The following FLNC variants were observed in gnomAD, a reference collection of about 807,000 sequenced individuals.
FLNC encodes filamin C, also known as filamin-C.
In FLNC, 91 loss-of-function variants were observed where a neutral mutation model predicts 254.3. The ratio of observed to expected loss-of-function variants is 0.36; its 90% CI spans 0.30 to 0.43. FLNC has a LOEUF of 0.43. FLNC is among the 20% of genes least tolerant of loss of function. The pLI is 1.00. For synonymous variants in FLNC, 1,430 were observed against 1,577.2 expected, an observed-to-expected ratio of 0.91 and a Z score of 2.21; for missense variants, 2,853 against 3,802.6, an observed-to-expected ratio of 0.75 and a Z score of 6.57.
In FLNC at chr7:128,852,588, C is replaced by T. The variant is rs1808866212; in HGVS notation, c.5843-3C>T. 1 of 1,613,128 alleles carries T rather than the reference C, an allele frequency of 6.2e-7. No individual in the cohort carries two copies. Among genetic ancestry groups the T allele is most frequent in the Non-Finnish European group, 8.5e-7 (1 of 1,180,002 alleles). On this transcript the variant is annotated splice_region_variant and splice_polypyrimidine_tract_variant and intron_variant, in intron 35 of 47. Transcript: ENST00000325888. ...CAGCCTGATGCCCCAACTCCCCCAC[C>T]AGGTGATGACTCCATGAGGACCTCA... is the stretch of plus-strand genomic sequence containing the variant.
In FLNC at chr7:128,854,082, G is replaced by A. The variant is rs909093665; in HGVS notation, c.6593G>A (p.Gly2198Asp). The A allele has an allele frequency of 3.9e-5, 63 of 1,613,198 alleles. 1 individual carries two copies. Among genetic ancestry groups the A allele is most frequent in the Non-Finnish European group, 5.0e-5 (59 of 1,179,976 alleles). The change falls in exon 40 of 48, where the codon GGC becomes GAC. Residue 2198 changes from glycine (G) to aspartate (D), a missense_variant. This residue lies in a region of FLNC where 551 missense variants were observed against 835.0 expected (regional missense o/e 0.66). Transcript: ENST00000325888. ...CGCACGGAGATCAGCAAGACGCGGG[G>A]CGGGGAGACAAAGCGCGAGGTGCGG... Reference protein sequence around the residue: ...TERTEISKTRGGETKREVRVE... With the variant: ...TERTEISKTRDGETKREVRVE...
At chr7:128,850,304 A>G in intron 31 of FLNC, 80 bp from the exon 32 acceptor site, 3 of 1,213,686 alleles carry the variant, frequency 2.5e-6, no homozygotes. Flanking sequence ...TTCTTTCCTC[A>G]CTCTCCAGCT....
chr7:128,850,256 C>A, intron 31 of FLNC, 128 bp from the exon 32 acceptor site: 1 of 965,362 alleles, frequency 1.0e-6, no homozygotes, highest in South Asian at 1.3e-5. Flanking sequence ...AGCTGACGCA[C>A]CTCTCCTGCC....
At position 128,843,532 on chromosome 7, in the gene FLNC, C is replaced by T; in HGVS notation, c.2766C>T (p.Asp922=). The T allele has an allele frequency of 6.2e-7, 1 of 1,613,944 alleles. No individual in the cohort carries two copies. Among genetic ancestry groups the T allele is most frequent in the Non-Finnish European group, 8.5e-7 (1 of 1,180,010 alleles). ...GEVVRDFEII[D]NHDYSYTVKY... ...TTGTGCGGGACTTTGAGATCATAGA[C>T]AACCATGACTACTCCTACACTGTCA... The change falls in exon 18 of 48, where the codon GAC becomes GAT. Residue 922 remains aspartate (D), a synonymous_variant. Transcript: ENST00000325888.
At position 128,847,659 on chromosome 7, in the gene FLNC, G is replaced by A. The variant is rs376811904; in HGVS notation, c.4289-38G>A. On this transcript the variant is annotated intron_variant, in intron 24 of 47. Transcript: ENST00000325888. ...TCCTCAGCATCAGGGGGACCCATCAGGGCTGGTGGGCAGGGTCTAATGTCC... is the reference window on the plus strand; with the variant it reads ...TCCTCAGCATCAGGGGGACCCATCAAGGCTGGTGGGCAGGGTCTAATGTCC... The A allele has an allele frequency of 3.7e-6, 6 of 1,613,338 alleles. No individual in the cohort carries two copies. The South Asian group carries it at 5.5e-5, about 15-fold the overall frequency.
rs762042639 is a variant in FLNC, at chr7:128,842,342, G to T, written c.2233G>T (p.Gly745Ter). Residue 745 changes from glycine (G) to a stop codon, truncating the protein, a stop_gained, in exon 14 of 48, where the codon GGA (glycine) becomes TGA (stop). Transcript: ENST00000325888. LOFTEE classifies it high-confidence loss of function. The surrounding 1 kb of genome is among the most constrained non-coding windows in gnomAD (Gnocchi z 5.4). ...TAAGCACACCATCATCATCTCCTGG[G>T]GAGGCGTAAACGTGCCCAAGAGCCC... ...PIKHTIIISWGGVNVPKSPFR... is the reference protein window; with the variant it reads ...PIKHTIIISW 1 of 1,613,690 alleles carries T rather than the reference G, an allele frequency of 6.2e-7. No individual in the cohort carries two copies. The highest frequency in any genetic ancestry group is 1.1e-5 in the South Asian group (1 of 91,082).
chr7:128,840,413 G>A (rs190302391), intron 9 of FLNC, 135 bp from the exon 10 acceptor site: 3 of 1,189,688 alleles, frequency 2.5e-6, no homozygotes, highest in Non-Finnish European at 3.7e-6. Flanking sequence ...TCCCTGCCCT[G>A]AGTTGCAGCA....
intron 37 of FLNC, 117 bp from the exon 38 acceptor site, chr7:128,853,352 G>C: frequency 7.6e-7 from 1 of 1,322,748 alleles, no homozygotes; most frequent in Non-Finnish European, 1.1e-6. Context: ...ATTTTTGTTA[G>C]TGGTCACTAC....
chr7:128,845,459 G>A (rs903969212), intron 21 of FLNC, among the ~76,000 whole-genome samples: 3 of 152,184 alleles, frequency 2.0e-5, no homozygotes, highest in African/African-American at 7.2e-5. Flanking sequence ...ATTGGCCTCT[G>A]CTCTTGTGGC....
chr7:128,833,615 CA>C (rs1449580298), intron 1 of FLNC, among the ~76,000 whole-genome samples: 137 of 132,424 alleles, frequency 1.0e-3, no homozygotes, highest in African/African-American at 3.6e-3. Flanking sequence ...CCCATATACA[CA>C]CCGCCCCCCC....
rs1206204944 is a variant in FLNC, at chr7:128,840,581, C to A, written c.1583C>A (p.Ala528Asp). The A allele has an allele frequency of 6.2e-7, 1 of 1,614,084 alleles. No homozygotes were observed. Among genetic ancestry groups the A allele is most frequent in the Non-Finnish European group, 8.5e-7 (1 of 1,180,040 alleles). Residue 528 changes from alanine (A) to aspartate (D), a missense_variant, in exon 10 of 48, where the codon GCT (alanine) becomes GAT (aspartate). Ala to Asp is a moderately radical substitution (Grantham distance 126, BLOSUM62 -2). Coordinates refer to ENST00000325888, the MANE Select transcript of FLNC (RefSeq NM_001458.5). ...GAGGAGCCAGTGAAGGTGCGGGAGG[C>A]TGGGGATGGTGTGTTCGAGTGCGAG... ...GTEEPVKVREAGDGVFECEYY... is the reference protein window; with the variant it reads ...GTEEPVKVREDGDGVFECEYY...
rs756192123 is a variant in FLNC, at chr7:128,844,893, C to T, written c.3428C>T (p.Ser1143Leu). 6 of 1,613,968 alleles carry T rather than the reference C, an allele frequency of 3.7e-6. No homozygotes were observed. The highest frequency in any genetic ancestry group is 1.7e-5 in the Admixed American group (1 of 60,036). Residue 1143 changes from serine (S) to leucine (L), a missense_variant, in exon 21 of 48, where the codon TCG becomes TTG. Transcript: ENST00000325888. ...TTTGCTGAGGCCCACATCCCTGGCT[C>T]GCCCTTCAAAGCCACCATTCGGCCT... Reference protein sequence around the residue: ...ILFAEAHIPGSPFKATIRPVF... With the variant: ...ILFAEAHIPGLPFKATIRPVF...
In FLNC at chr7:128,846,798, A is replaced by C; in HGVS notation, c.4181A>C (p.Lys1394Thr). ...GLAIEGPSEAKMSCKDNKDGS... is the reference protein window; with the variant it reads ...GLAIEGPSEATMSCKDNKDGS... Reference sequence around the variant, plus strand: ...GCCATCGAGGGTCCCTCGGAAGCCAAGATGTCCTGCAAGGACAACAAGGAT... The same window carrying C: ...GCCATCGAGGGTCCCTCGGAAGCCACGATGTCCTGCAAGGACAACAAGGAT... The change falls in exon 24 of 48, where the codon AAG becomes ACG. Residue 1394 changes from lysine (K) to threonine (T), a missense_variant. Lys to Thr is a moderately conservative substitution (Grantham distance 78, BLOSUM62 -1). Around this residue, in one of 10 missense-constraint regions of FLNC, gnomAD observed 1,573 missense variants for 1,883.5 expected, o/e 0.84. Transcript: ENST00000325888. 6.2e-7 allele frequency: 1 copy of C among 1,614,192 alleles called. No homozygotes were observed. The highest frequency in any genetic ancestry group is 8.5e-7 in the Non-Finnish European group (1 of 1,179,996).
Position 128,858,517 on chromosome 7 carries a change from C to T in FLNC, c.8172C>T (p.Val2724=). The T allele has an allele frequency of 6.2e-7, 1 of 1,612,794 alleles. No homozygotes were observed. The highest frequency in any genetic ancestry group is 8.5e-7 in the Non-Finnish European group (1 of 1,179,554). The change falls in exon 48 of 48, where the codon GTC becomes GTT. Residue 2724 remains valine, a synonymous_variant. Transcript: ENST00000325888. The surrounding 1 kb of genome is among the most constrained non-coding windows in gnomAD (Gnocchi z 6.7). ...SVPGSPFKVK[V]P ...CTGGAAGCCCCTTCAAAGTCAAGGT[C>T]CCTTGAATCCCAAAAGTGCCTCCCC...
rs1003153680 is a variant in FLNC, at chr7:128,846,678, C to T, written c.4128-67C>T. On this transcript the variant is annotated intron_variant, in intron 23 of 47. Coordinates refer to ENST00000325888, the MANE Select transcript of FLNC (RefSeq NM_001458.5). ...CTGCCCTCTTTCCTCCCTGTCCCCC[C>T]ATTCAGCTACTCCCTCATCCTCACT... 5.9e-6 allele frequency: 9 copies of T among 1,522,256 alleles called. No homozygotes were observed. The African/African-American group carries it at 1.1e-4, about 18-fold the overall frequency. The allele number at this position is 1,522,256 out of a possible 1,614,324, so 94.3% of individuals were successfully genotyped here.
chr7:128,840,183 G>A (rs755578117), intron 9 of FLNC, 23 bp downstream of exon 9: 57 of 1,612,804 alleles, frequency 3.5e-5, no homozygotes, highest in African/African-American at 1.3e-4. Context: ...GCCCAGGGTC[G>A]TGAGGGTGGG....
In FLNC at chr7:128,841,157, C is replaced by A. The variant is rs766268709; in HGVS notation, c.1814-13C>A. The A allele has an allele frequency of 1.7e-5, 28 of 1,613,086 alleles. No homozygotes were observed. The African/African-American group carries it at 2.8e-4, about 16-fold the overall frequency. ...TGATGCTGGATCCCCGACCCTCCCCCACCTTGCCCCAGGCTTCTCCATCGA... is the reference window on the plus strand; with the variant it reads ...TGATGCTGGATCCCCGACCCTCCCCAACCTTGCCCCAGGCTTCTCCATCGA... On this transcript the variant is annotated splice_polypyrimidine_tract_variant and intron_variant, in intron 11 of 47. Transcript: ENST00000325888. This position sits in a 1 kb window ranked among gnomAD's most constrained non-coding sequence, Gnocchi z 4.3.
At chr7:128,855,353 T>C in intron 43 of FLNC, 39 bp downstream of exon 43, 1 of 1,313,894 alleles carries the variant, frequency 7.6e-7, no homozygotes, top group Non-Finnish European at 1.1e-6. Context: ...TTCTGCTATC[T>C]GAGAGATGGG....
chr7:128,837,993 G>A lies in FLNC; in HGVS notation c.976G>A (p.Val326Met), dbSNP rs1389801873. Residue 326 changes from valine to methionine, a missense_variant, in exon 6 of 48, where the codon GTG (valine) becomes ATG (methionine). Physicochemically the swap from Val to Met is conservative, Grantham distance 21 (BLOSUM62 1). This residue lies in a region of FLNC where 1,573 missense variants were observed against 1,883.5 expected (regional missense o/e 0.84). Coordinates refer to ENST00000325888, the MANE Select transcript of FLNC (RefSeq NM_001458.5). ...TCTTTTTCCTTCCTAATAGGCTAAGGTGGTTCCCAACAATGACAAGGATCG... is the reference window on the plus strand; with the variant it reads ...TCTTTTTCCTTCCTAATAGGCTAAGATGGTTCCCAACAATGACAAGGATCG... The part of the protein sequence containing the change: ...DPEGHTEEAK[V>M]VPNNDKDRTY... 7.4e-6 allele frequency: 12 copies of A among 1,613,868 alleles called. No individual in the cohort carries two copies. Among genetic ancestry groups the A allele is most frequent in the South Asian group, 1.1e-5 (1 of 91,076 alleles).
Sources: gnomAD v4.1 joint callset for allele counts (sites outside exome capture counted in the v4.1 genomes callset) on GRCh38, gnomAD v4.1.1 for gene constraint, gnomAD v4.1.1 regional missense constraint, Gnocchi (gnomAD v3.1) non-coding constraint, MANE v1.5 for transcripts, NCBI Gene and HGNC (gene_info 2026-07-23, HGNC 2026-07-21) for gene names.